The following CNBD1 variants were observed in gnomAD, a reference collection of about 807,000 sequenced individuals.
The protein encoded by CNBD1 is cyclic nucleotide binding domain containing 1.
In CNBD1, 71 loss-of-function variants were observed where a neutral mutation model predicts 54.4. The observed-to-expected ratio is 1.30, with a 90% CI of 1.08 to 1.59. The LOEUF (loss-of-function observed/expected upper bound fraction) is 1.59, where lower values mean the gene tolerates loss of function less well. Among genes scored for constraint, CNBD1 ranks in the 40% most tolerant of loss-of-function variants. The probability of loss-of-function intolerance (pLI) is 0.00; values close to 1 mark genes in which losing one functional copy is unlikely to be tolerated. For synonymous variants in CNBD1, 182 were observed against 170.7 expected (o/e 1.07, Z -0.51); for missense variants, 659 against 518.0 (o/e 1.27, Z -2.64).
At chr8:86,983,995 CTT>C (rs1302902987) in intron 4 of CNBD1, among the ~76,000 whole-genome samples, 1 of 152,140 alleles carries the variant, frequency 6.6e-6, no homozygotes, top group African/African-American at 2.4e-5. Context: ...ATGTCAGAGA[CTT>C]TTGTGTCAGC....
In CNBD1 at chr8:87,353,622, T is replaced by C. The variant is rs1810351811; in HGVS notation, c.1153-14T>C. 6.6e-7 allele frequency: 1 copy of C among 1,521,616 alleles called. No homozygotes were observed. Among genetic ancestry groups the C allele is most frequent in the Non-Finnish European group, 9.0e-7 (1 of 1,115,104 alleles). 94.3% of individuals were successfully genotyped at this position (1,521,616 alleles called of 1,614,324 possible). On this transcript the variant is annotated splice_polypyrimidine_tract_variant and intron_variant, in intron 9 of 10. Coordinates refer to ENST00000518476, the MANE Select transcript of CNBD1 (RefSeq NM_173538.3). ...GCAGTTGCATTAAACATCAATAATA[T>C]ATTTTTTTAACAGAAAAGATCTCAA...
intron 6 of CNBD1, among the ~76,000 whole-genome samples, chr8:87,254,472 G>C (rs1452651794): frequency 6.6e-6 from 1 of 152,122 alleles, no homozygotes; most frequent in East Asian, 1.9e-4. Context: ...TATTTCTTTG[G>C]ATGGCCCAAC....
chr8:87,379,066 G>A (rs1371750929), intron 10 of CNBD1, among the ~76,000 whole-genome samples: 1 of 150,668 alleles, frequency 6.6e-6, no homozygotes, highest in Non-Finnish European at 1.5e-5. Flanking sequence ...TGAGACAATG[G>A]GGTTTTCTAG....
intron 8 of CNBD1, among the ~76,000 whole-genome samples, chr8:87,323,170 GT>G (rs1385343532): frequency 8.1e-6 from 1 of 123,928 alleles, no homozygotes; most frequent in Non-Finnish European, 1.8e-5. Flanking sequence ...CTATATCTCT[GT>G]TTTGGTACCA....
At chr8:86,965,356 G>T (rs1808045067) in intron 4 of CNBD1, among the ~76,000 whole-genome samples, 2 of 152,120 alleles carry the variant, frequency 1.3e-5, no homozygotes, top group South Asian at 2.1e-4. Flanking sequence ...ACTCTCAGTT[G>T]CTCCAGGACC....
chr8:86,898,226 A>G (rs1808877362), intron 2 of CNBD1, among the ~76,000 whole-genome samples: 1 of 152,206 alleles, frequency 6.6e-6, no homozygotes, highest in African/African-American at 2.4e-5. Context: ...AAAAAAGATT[A>G]AAAGAATATT....
intron 4 of CNBD1, among the ~76,000 whole-genome samples, chr8:87,000,058 C>A (rs1808960553): frequency 6.6e-6 from 1 of 152,008 alleles, no homozygotes; most frequent in Non-Finnish European, 1.5e-5. Context: ...TTTTGGTTTT[C>A]CATAAGTAAA....
At position 87,025,151 on chromosome 8, in the gene CNBD1, A is replaced by C. The variant is rs758952407; in HGVS notation, c.431+85397A>C. Among the ~76,000 whole-genome samples the C allele has an allele frequency of 1.4e-3, 220 of 151,980 alleles. 1 individual carries two copies. The highest frequency in any genetic ancestry group is 2.1e-3 in the Non-Finnish European group (140 of 68,002). On this transcript the variant is annotated intron_variant, in intron 4 of 10. Transcript: ENST00000518476. ...CCAATCAGCGCTCTGTGTCTAAAGG[A>C]TTGTAAACGCACCAATCAGCACTCC...
intron 5 of CNBD1, among the ~76,000 whole-genome samples, chr8:87,229,912 A>C (rs1480883086): frequency 6.6e-6 from 1 of 152,228 alleles, no homozygotes; most frequent in Non-Finnish European, 1.5e-5. Context: ...ATAATGTATT[A>C]GTCCGTTTTC....
chr8:86,931,418 T>A lies in CNBD1; in HGVS notation c.273-8178T>A, dbSNP rs554282819. 5.3e-5 allele frequency among the ~76,000 whole-genome samples: 8 copies of A among 152,250 alleles called. No homozygotes were observed. In the South Asian group the frequency reaches 1.7e-3, roughly 32 times the overall value. ...CTTTGTCCTCTTGGGCTGTGCACCT[T>A]CCAGTGATTGCCTCGGCATAGTGGA... On this transcript the variant is annotated intron_variant, in intron 3 of 10. Transcript: ENST00000518476.
At chr8:86,925,010 T>C (rs953383769) in intron 3 of CNBD1, among the ~76,000 whole-genome samples, 10 of 152,206 alleles carry the variant, frequency 6.6e-5, no homozygotes, top group African/African-American at 2.2e-4. Context: ...ATTAATTTAG[T>C]AGAAACCGGG....
chr8:87,378,534 C>T lies in CNBD1; in HGVS notation c.1304-4086C>T, dbSNP rs199833133. ...CTATATCTCTGTTTTGGTACCAGTACCATGCTGTTTTGGTTACTGTAGCCT... is the reference window on the plus strand; with the variant it reads ...CTATATCTCTGTTTTGGTACCAGTATCATGCTGTTTTGGTTACTGTAGCCT... On this transcript the variant is annotated intron_variant, in intron 10 of 10. Transcript: ENST00000518476. Among the ~76,000 whole-genome samples, 17 of 150,904 alleles carry T rather than the reference C, an allele frequency of 1.1e-4. No individual in the cohort carries two copies. In the East Asian group the frequency reaches 2.7e-3, roughly 24 times the overall value.
intron 2 of CNBD1, among the ~76,000 whole-genome samples, chr8:87,423,912 CTT>C (rs1321662124): frequency 1.3e-5 from 2 of 152,122 alleles, no homozygotes; most frequent in East Asian, 3.9e-4. Context: ...GTCCTGGACT[CTT>C]TTTGGTTGGT....
chr8:87,117,348 G>A (rs889922180), intron 4 of CNBD1, among the ~76,000 whole-genome samples: 3 of 146,774 alleles, frequency 2.0e-5, no homozygotes, highest in Admixed American at 7.0e-5. Context: ...GCAGTGAGCC[G>A]AGACCGTGCC....
chr8:86,908,347 T>C (rs1212168188), intron 3 of CNBD1, among the ~76,000 whole-genome samples: 1 of 152,184 alleles, frequency 6.6e-6, no homozygotes, highest in African/African-American at 2.4e-5. Flanking sequence ...GGAAATCAAA[T>C]AGAAAAGAAT....
intron 8 of CNBD1, among the ~76,000 whole-genome samples, chr8:87,324,781 G>T (rs1227512091): frequency 1.1e-4 from 15 of 140,690 alleles, no homozygotes; most frequent in Admixed American, 7.1e-5. Context: ...TTTTTGAAGG[G>T]TTTTTTGTGT....
At chr8:87,330,962 T>C (rs1001814712) in intron 8 of CNBD1, among the ~76,000 whole-genome samples, 3 of 152,218 alleles carry the variant, frequency 2.0e-5, no homozygotes, top group African/African-American at 7.2e-5. Context: ...ATGTCTGTCT[T>C]TTAATTGGTG....
chr8:87,131,923 C>G (rs1378521301), intron 4 of CNBD1, among the ~76,000 whole-genome samples: 1 of 151,946 alleles, frequency 6.6e-6, no homozygotes, highest in Non-Finnish European at 1.5e-5. Context: ...GATGAATATT[C>G]TTTGTGCTAG....
At chr8:87,225,142 G>A (rs1186759752) in intron 5 of CNBD1, among the ~76,000 whole-genome samples, 3 of 149,612 alleles carry the variant, frequency 2.0e-5, no homozygotes, top group African/African-American at 7.4e-5. Flanking sequence ...GGAGATTTTG[G>A]GCTGAGACAA....
Sources: gnomAD v4.1 joint callset for allele counts (sites outside exome capture counted in the v4.1 genomes callset) on GRCh38, gnomAD v4.1.1 for gene constraint, MANE v1.5 for transcripts, NCBI Gene and HGNC (gene_info 2026-07-23, HGNC 2026-07-21) for gene names.